Variants in PDGFA observed in about 807,000 individuals in gnomAD.
PDGFA encodes platelet-derived growth factor subunit A.
In PDGFA, 9 loss-of-function variants were observed where a neutral mutation model predicts 25.6. The observed-to-expected ratio is 0.35, with a 90% CI of 0.21 to 0.61. The LOEUF is 0.61. PDGFA is among the 20% of genes least tolerant of loss of function. The pLI is 0.75. For synonymous variants in PDGFA, 133 were observed against 111.8 expected, an observed-to-expected ratio of 1.19 and a Z score of -1.20; for missense variants, 242 against 272.8, an observed-to-expected ratio of 0.89 and a Z score of 0.79.
At chr7:511,092 C>T (rs1782809889) in intron 3 of PDGFA, 96 bp from the exon 4 acceptor site, 1 of 933,898 alleles carries the variant, frequency 1.1e-6, no homozygotes, top group Non-Finnish European at 1.7e-6. Flanking sequence ...GGGGGGCAAC[C>T]AGGGTAAGCC....
exon 6 of PDGFA, chr7:497,959 C>G (rs201679482): frequency 1.8e-5 from 1 of 56,686 alleles, no homozygotes; most frequent in Non-Finnish European, 3.0e-5. Flanking sequence ...AAAAAAAAAA[C>G]AAAAAAAAAA....
Position 512,466 on chromosome 7 carries a change from A to C in PDGFA, c.161-11T>G. ...AAGAATCCTCACTCCCTGCAGGCGG[A>C]AGGAGAACACCGTGAATGCCCCAGG... is the stretch of plus-strand genomic sequence containing the variant. On this transcript the variant is annotated splice_polypyrimidine_tract_variant and intron_variant, in intron 2 of 5. Coordinates refer to ENST00000402802, the Ensembl canonical transcript of PDGFA. The C allele has an allele frequency of 6.2e-7, 1 of 1,613,412 alleles. No homozygotes were observed. The highest frequency in any genetic ancestry group is 1.1e-5 in the South Asian group (1 of 91,084).
intron 4 of PDGFA, among the ~76,000 whole-genome samples, chr7:505,564 G>C (rs563128386): frequency 1.3e-5 from 2 of 152,268 alleles, no homozygotes; most frequent in Admixed American, 6.5e-5. Context: ...CCCTTTCAAG[G>C]CTCCAAGACA....
At chr7:507,357 G>A (rs1330350381) in intron 4 of PDGFA, among the ~76,000 whole-genome samples, 1 of 152,206 alleles carries the variant, frequency 6.6e-6, no homozygotes. Flanking sequence ...CAGAGGGAGA[G>A]CCCTGGTCCT....
intron 3 of PDGFA, among the ~76,000 whole-genome samples, chr7:511,979 G>A (rs954766280): frequency 7.9e-5 from 12 of 152,236 alleles, no homozygotes; most frequent in Non-Finnish European, 5.9e-5. Flanking sequence ...CCCACACTGC[G>A]AATTGGAAAT....
At chr7:514,961 G>T (rs1281464578) in intron 2 of PDGFA, among the ~76,000 whole-genome samples, 1 of 149,940 alleles carries the variant, frequency 6.7e-6, no homozygotes, top group Non-Finnish European at 1.5e-5. Context: ...CAGTCAAGGA[G>T]CGGCCAAGAC....
chr7:510,199 C>T (rs566276420), intron 4 of PDGFA, among the ~76,000 whole-genome samples: 4 of 152,242 alleles, frequency 2.6e-5, no homozygotes, highest in South Asian at 2.1e-4. Flanking sequence ...GAAAGGAGGC[C>T]AGGCTCGTCG....
chr7:515,062 C>A (rs556356891), intron 2 of PDGFA, among the ~76,000 whole-genome samples: 2 of 152,352 alleles, frequency 1.3e-5, no homozygotes, highest in East Asian at 3.9e-4. Flanking sequence ...CAAAGCCCCA[C>A]CCACCTGGAG....
chr7:517,457 G>T lies in PDGFA; in HGVS notation c.97C>A (p.Leu33Met). Residue 33 changes from leucine to methionine, a missense_variant, in exon 2 of 6, where the codon CTG becomes ATG. Coordinates refer to ENST00000402802, the Ensembl canonical transcript of PDGFA. This position sits in a 1 kb window ranked among gnomAD's most constrained non-coding sequence, Gnocchi z 7.4. ...ATGCTGTGGATCTGACTGCGGGCCA[G>T]CCTCTCGATCACCTCGCGGGGGATC... 7.2e-7 allele frequency: 1 copy of T among 1,380,480 alleles called. No homozygotes were observed. 85.5% of individuals were successfully genotyped at this position (1,380,480 alleles called of 1,614,324 possible).
At chr7:512,740 CG>C (rs1782919314) in intron 2 of PDGFA, 1 of 1,172,534 alleles carries the variant, frequency 8.5e-7, no homozygotes, top group Non-Finnish European at 1.1e-6. Context: ...CAGGGCCCTT[CG>C]GGGAAGAGGT....
chr7:519,953 C>T (rs1783302604), upstream of PDGFA: 2 of 209,708 alleles, frequency 9.5e-6, no homozygotes, highest in Admixed American at 6.3e-5. Flanking sequence ...GGGCCTGGGA[C>T]CCGCACCTCG....
At chr7:516,994 G>A (rs1375094358) in intron 2 of PDGFA, among the ~76,000 whole-genome samples, 4 of 151,376 alleles carry the variant, frequency 2.6e-5, no homozygotes, top group Non-Finnish European at 5.9e-5. Flanking sequence ...AGCCGCGCCT[G>A]CCCTTGGGGC....
At chr7:519,581 C>T (rs1205255233), upstream of PDGFA, among the ~76,000 whole-genome samples, 9 of 145,968 alleles carry the variant, frequency 6.2e-5, no homozygotes, top group African/African-American at 2.0e-4. Flanking sequence ...GGGCACAGCG[C>T]GGCCCAGCAC....
Position 511,058 on chromosome 7 carries a change from G to A in PDGFA, c.266-62C>T, listed in dbSNP as rs1249569184. ...TCTGCGACCACGGCCCCACCCCAGG[G>A]CTGAGGCGGCTCCAGCTGGGCCTGG... On this transcript the variant is annotated intron_variant, in intron 3 of 5. Coordinates refer to ENST00000402802, the Ensembl canonical transcript of PDGFA. 4 of 1,367,706 alleles carry A rather than the reference G, an allele frequency of 2.9e-6. No individual in the cohort carries two copies. In the South Asian group the frequency reaches 5.0e-5, roughly 17 times the overall value. 84.7% of individuals were successfully genotyped at this position (1,367,706 alleles called of 1,614,324 possible).
Position 500,754 on chromosome 7 carries a change from C to T in PDGFA, c.580+362G>A, listed in dbSNP as rs937003547. On this transcript the variant is annotated intron_variant, in intron 5 of 5. Coordinates refer to ENST00000402802, the Ensembl canonical transcript of PDGFA. The surrounding 1 kb of genome is among the most constrained non-coding windows in gnomAD (Gnocchi z 5.0). ...CCAGCCAGCCAGGGCAACTGCAGTC[C>T]TCGAACCTGCTCCTCCCGCCCACCC... 6.9e-7 allele frequency: 1 copy of T among 1,439,308 alleles called. No individual in the cohort carries two copies. Among genetic ancestry groups the T allele is most frequent in the African/African-American group, 1.4e-5 (1 of 69,966 alleles). The allele number at this position is 1,439,308 out of a possible 1,614,324, so 89.2% of individuals were successfully genotyped here. A position where few individuals can be genotyped will look rare whatever the true frequency, so the allele number is the denominator to read the frequency against.
intron 4 of PDGFA, among the ~76,000 whole-genome samples, chr7:502,769 C>CACAG: frequency 3.6e-5 from 1 of 28,144 alleles, no homozygotes; most frequent in African/African-American, 1.5e-4. Flanking sequence ...GGCAAGAAAT[C>CACAG]ACACACACAC....
rs1783181326 is a variant in PDGFA, at chr7:517,910, C to T, written c.64-420G>A. Reference sequence around the variant, plus strand: ...ACGGGTCGGCGAGAGTCACGGCAGCCCTAACACTTTAATCCAGGCAGGGCT... The same window carrying T: ...ACGGGTCGGCGAGAGTCACGGCAGCTCTAACACTTTAATCCAGGCAGGGCT... On this transcript the variant is annotated intron_variant, in intron 1 of 5. Coordinates refer to ENST00000402802, the Ensembl canonical transcript of PDGFA. This position sits in a 1 kb window ranked among gnomAD's most constrained non-coding sequence, Gnocchi z 7.4. Among the ~76,000 whole-genome samples the T allele has an allele frequency of 6.6e-6, 1 of 152,116 alleles. No individual in the cohort carries two copies. The highest frequency in any genetic ancestry group is 2.4e-5 in the African/African-American group (1 of 41,418).
chr7:500,544 G>A lies in PDGFA; in HGVS notation c.580+572C>T, dbSNP rs371875282. The A allele has an allele frequency of 1.6e-4, 260 of 1,613,268 alleles. No individual in the cohort carries two copies. The highest frequency in any genetic ancestry group is 1.8e-4 in the Non-Finnish European group (214 of 1,179,918). On this transcript the variant is annotated intron_variant, in intron 5 of 5. Transcript: ENST00000402802. This position sits in a 1 kb window ranked among gnomAD's most constrained non-coding sequence, Gnocchi z 5.0. ...GCGGTGAGTGGGCCGAGGGACGGCC[G>A]TCGGGGTGAAGAACTGAAGCAACAA...
At chr7:513,107 G>A (rs1288528647) in intron 2 of PDGFA, 2 of 159,588 alleles carry the variant, frequency 1.3e-5, no homozygotes, top group African/African-American at 4.8e-5. Context: ...GAGGGCACGT[G>A]GCCTCTCGTG....
Sources: allele counts gnomAD v4.1 joint callset (sites outside exome capture counted in the v4.1 genomes callset), GRCh38; gene constraint gnomAD v4.1.1; non-coding constraint Gnocchi (gnomAD v3.1); transcripts MANE v1.5; gene names NCBI Gene and HGNC (gene_info 2026-07-23, HGNC 2026-07-21).